ZNF45: variants seen among roughly 807,000 people sequenced by gnomAD.
ZNF45 encodes the protein BRC1744.
In ZNF45, 4 loss-of-function variants were observed where a neutral mutation model predicts 12.0. The observed-to-expected ratio is 0.33, with a 90% CI of 0.16 to 0.76. The LOEUF (loss-of-function observed/expected upper bound fraction) is 0.76, where lower values mean the gene tolerates loss of function less well. Among genes scored for constraint, ZNF45 ranks in the 30% least tolerant of loss-of-function variants. The pLI, the probability that ZNF45 is intolerant of heterozygous loss-of-function variation, is 0.60. For missense variants in ZNF45, 700 were observed against 813.0 expected (o/e 0.86, Z 1.69); for synonymous variants, 272 against 279.6 (o/e 0.97, Z 0.27).
At chr19:43,933,367 T>C (rs541544144) in intron 2 of ZNF45, among the ~76,000 whole-genome samples, 142 of 152,096 alleles carry the variant, frequency 9.3e-4, no homozygotes, top group African/African-American at 3.2e-3. Flanking sequence ...GGCAGGAGAA[T>C]TGCTTGAACC....
intron 3 of ZNF45, among the ~76,000 whole-genome samples, chr19:43,928,510 G>A (rs1324504789): frequency 2.0e-5 from 3 of 152,190 alleles, no homozygotes; most frequent in African/African-American, 7.2e-5. Context: ...GTGTACTTCT[G>A]CAGTTACAGA....
chr19:43,913,285 A>G lies in ZNF45; in HGVS notation c.*102T>C. ...GGCTTCTCTGCTGTGTGGTCTCCCAATCACTTGGCTGAACTACTGACTCTA... is the reference window on the plus strand; with the variant it reads ...GGCTTCTCTGCTGTGTGGTCTCCCAGTCACTTGGCTGAACTACTGACTCTA... On this transcript the variant is annotated 3_prime_UTR_variant, in exon 10 of 10. Transcript: ENST00000269973. 1 of 1,391,490 alleles carries G rather than the reference A, an allele frequency of 7.2e-7. No individual in the cohort carries two copies. The highest frequency in any genetic ancestry group is 1.4e-5 in the African/African-American group (1 of 69,528). 86.2% of individuals were successfully genotyped at this position (1,391,490 alleles called of 1,614,324 possible).
chr19:43,914,951 T>A lies in ZNF45; in HGVS notation c.485A>T (p.Lys162Ile). Residue 162 changes from lysine to isoleucine, a missense_variant, in exon 10 of 10, where the codon AAA becomes ATA. Physicochemically the swap from Lys to Ile is moderately radical, Grantham distance 102. Coordinates refer to ENST00000269973, the MANE Select transcript of ZNF45 (RefSeq NM_003425.4). ...CACACAATGTTCTCCTTTGTAGGGT[T>A]TTTCACCAGTGTGGACTCTGTGAAC... ...LQVHRVHTGE[K>I]PYKGEHCVKS... 6.2e-7 allele frequency: 1 copy of A among 1,610,814 alleles called. No individual in the cohort carries two copies. The highest frequency in any genetic ancestry group is 8.5e-7 in the Non-Finnish European group (1 of 1,177,330).
chr19:43,928,576 G>A (rs983742075), intron 3 of ZNF45, among the ~76,000 whole-genome samples: 1 of 152,200 alleles, frequency 6.6e-6, no homozygotes, highest in African/African-American at 2.4e-5. Context: ...TGATGCTAAT[G>A]CTGCTGGTCC....
In ZNF45 at chr19:43,925,791, T is replaced by A. The variant is rs185598596; in HGVS notation, c.-399-333A>T. 2.6e-5 allele frequency among the ~76,000 whole-genome samples: 4 copies of A among 152,210 alleles called. No homozygotes were observed. The East Asian group carries it at 7.7e-4, about 29-fold the overall frequency. On this transcript the variant is annotated intron_variant, in intron 3 of 9. Coordinates refer to ENST00000269973, the MANE Select transcript of ZNF45 (RefSeq NM_003425.4). Reference sequence around the variant, plus strand: ...ACCCGCCACCATTCCTGGCTAATTTTTTTTGTTTCTTTTGTTTTTTTAGTA... The same window carrying A: ...ACCCGCCACCATTCCTGGCTAATTTATTTTGTTTCTTTTGTTTTTTTAGTA...
intron 9 of ZNF45, among the ~76,000 whole-genome samples, chr19:43,917,429 G>A (rs1195761282): frequency 6.6e-6 from 1 of 152,138 alleles, no homozygotes; most frequent in Non-Finnish European, 1.5e-5. Flanking sequence ...TTTCCTTTAA[G>A]TTGAAGCCTA....
chr19:43,921,991 CATAAA>C (rs1973223715), intron 7 of ZNF45, among the ~76,000 whole-genome samples, 175 bp downstream of exon 7: 1 of 152,088 alleles, frequency 6.6e-6, no homozygotes, highest in South Asian at 2.1e-4. Flanking sequence ...ATTATAAAGT[CATAAA>C]ATAAAGCAAC....
chr19:43,921,129 C>T (rs1484511612), intron 7 of ZNF45, among the ~76,000 whole-genome samples: 2 of 152,172 alleles, frequency 1.3e-5, no homozygotes, highest in African/African-American at 2.4e-5. Context: ...TTTTCTTTGC[C>T]TCTCTCTCTT....
intron 6 of ZNF45, among the ~76,000 whole-genome samples, chr19:43,923,427 T>G (rs1473325673): frequency 6.6e-6 from 1 of 152,164 alleles, no homozygotes; most frequent in Non-Finnish European, 1.5e-5. Flanking sequence ...TTATAAGTTA[T>G]TGTTGTTAGT....
Position 43,914,106 on chromosome 19 carries a change from A to T in ZNF45, c.1330T>A (p.Tyr444Asn). The change falls in exon 10 of 10, where the codon TAT becomes AAT. Residue 444 changes from tyrosine (Y) to asparagine (N), a missense_variant. Transcript: ENST00000269973. ...CCCTTGCCACACTCCTCACATTTAT[A>T]GGGTTTTTCCCCTGTATGGACTCTA... ...HFRVHTGEKPYKCEECGKGFS... is the reference protein window; with the variant it reads ...HFRVHTGEKPNKCEECGKGFS... 1 of 1,614,124 alleles carries T rather than the reference A, an allele frequency of 6.2e-7. No individual in the cohort carries two copies. Among genetic ancestry groups the T allele is most frequent in the Non-Finnish European group, 8.5e-7 (1 of 1,180,014 alleles).
intron 9 of ZNF45, among the ~76,000 whole-genome samples, chr19:43,917,484 ATT>A (rs1401770784): frequency 2.5e-5 from 3 of 120,766 alleles, no homozygotes; most frequent in African/African-American, 7.7e-5. Context: ...TTTCACTTTT[ATT>A]TTTATTTATT....
At position 43,914,156 on chromosome 19, in the gene ZNF45, C is replaced by T. The variant is rs754830379; in HGVS notation, c.1280G>A (p.Arg427His). Residue 427 changes from arginine (R) to histidine (H), a missense_variant, in exon 10 of 10, where the codon CGT (arginine) becomes CAT (histidine). Arg to His is a conservative substitution (Grantham distance 29). Transcript: ENST00000269973. ...AAAATGAATGTTAAAATCTGAGCTA[C>T]GACTGAAGCCCTTACCACATGCATC... is the stretch of plus-strand genomic sequence containing the variant. ...QCDACGKGFS[R>H]SSDFNIHFRV... 17 of 1,607,702 alleles carry T rather than the reference C, an allele frequency of 1.1e-5. No homozygotes were observed. Among genetic ancestry groups the T allele is most frequent in the East Asian group, 4.5e-5 (2 of 44,486 alleles).
At chr19:43,934,289 T>G (rs1339794626) in intron 2 of ZNF45, 137 bp downstream of exon 2, 1 of 152,246 alleles carries the variant, frequency 6.6e-6, no homozygotes, top group Non-Finnish European at 1.5e-5. Context: ...TTCAGTGTGT[T>G]AGTTTTTATA....
At position 43,914,714 on chromosome 19, in the gene ZNF45, ACT is replaced by A. The variant is rs1178838541; in HGVS notation, c.720_721del (p.Arg240SerfsTer11). On this transcript the variant is annotated frameshift_variant, in exon 10 of 10. Coordinates refer to ENST00000269973, the MANE Select transcript of ZNF45 (RefSeq NM_003425.4). LOFTEE classifies it low-confidence loss of function (END_TRUNC). ...TTTGTATGGATTCTCTCCAGTGGGA[ACT>A]CTCTGATGATGGGGAAGATGTGACC... 1.2e-6 allele frequency: 2 copies of A among 1,613,978 alleles called. No individual in the cohort carries two copies. The highest frequency in any genetic ancestry group is 1.7e-5 in the Admixed American group (1 of 59,992).
At chr19:43,928,679 T>C (rs1234140599) in intron 3 of ZNF45, among the ~76,000 whole-genome samples, 3 of 152,248 alleles carry the variant, frequency 2.0e-5, no homozygotes, top group Non-Finnish European at 4.4e-5. Context: ...ATTTTTCTAC[T>C]AACCCCAATA....
Position 43,913,659 on chromosome 19 carries a change from A to G in ZNF45, c.1777T>C (p.Phe593Leu). ...PYRCDVCGKR[F>L]RQRSYLQAHQ... ...GCTTGAAGGTAGGATCTCTGTCTGA[A>G]GCGCTTACCACACACATCACATCGG... is the stretch of plus-strand genomic sequence containing the variant. Residue 593 changes from phenylalanine (F) to leucine (L), a missense_variant, in exon 10 of 10, where the codon TTC becomes CTC. Phe to Leu is a conservative substitution (Grantham distance 22). Transcript: ENST00000269973. 6.2e-7 allele frequency: 1 copy of G among 1,613,880 alleles called. No homozygotes were observed. Among genetic ancestry groups the G allele is most frequent in the South Asian group, 1.1e-5 (1 of 91,052 alleles).
Position 43,913,457 on chromosome 19 carries a change from C to T in ZNF45, c.1979G>A (p.Arg660Gln), listed in dbSNP as rs747649184. 11 of 1,606,176 alleles carry T rather than the reference C, an allele frequency of 6.8e-6. No homozygotes were observed. Among genetic ancestry groups the T allele is most frequent in the African/African-American group, 1.3e-5 (1 of 74,756 alleles). The change falls in exon 10 of 10, where the codon CGA (arginine) becomes CAA (glutamine). Residue 660 changes from arginine to glutamine, a missense_variant. By Grantham distance (43) the Arg-to-Gln change is conservative (BLOSUM62 1). Coordinates refer to ENST00000269973, the MANE Select transcript of ZNF45 (RefSeq NM_003425.4). ...GTCACCCTCATCATCAGCATGGACT[C>T]GCTGATGAATGATAAGACTTGAGCT... ...SWSSSLIIHQRVHADDEGDKD... is the reference protein window; with the variant it reads ...SWSSSLIIHQQVHADDEGDKD...
At position 43,914,248 on chromosome 19, in the gene ZNF45, GCC is replaced by G. The variant is rs1379924154; in HGVS notation, c.1186_1187del (p.Gly396LeufsTer23). 2 of 1,613,664 alleles carry G rather than the reference GCC, an allele frequency of 1.2e-6. No homozygotes were observed. Among genetic ancestry groups the G allele is most frequent in the South Asian group, 2.2e-5 (2 of 91,034 alleles). On this transcript the variant is annotated frameshift_variant, in exon 10 of 10. Transcript: ENST00000269973. LOFTEE classifies it low-confidence loss of function (END_TRUNC). The part of the protein sequence containing the change: ...KPYKCEECGK[G>X]FCRASNLLDH... ...CCAGCAGATTTGAGGCCCGGCAGAA[GCC>G]TTTCCCACACTCCTCACATTTGTAT... is the stretch of plus-strand genomic sequence containing the variant.
intron 2 of ZNF45, among the ~76,000 whole-genome samples, chr19:43,933,146 A>G (rs1381453668): frequency 6.6e-6 from 1 of 152,196 alleles, no homozygotes; most frequent in Non-Finnish European, 1.5e-5. Context: ...GCAAATGAAT[A>G]TAATTGCCCC....
Sources: gnomAD v4.1 joint callset for allele counts (sites outside exome capture counted in the v4.1 genomes callset) on GRCh38, gnomAD v4.1.1 for gene constraint, MANE v1.5 for transcripts, NCBI Gene and HGNC (gene_info 2026-07-23, HGNC 2026-07-21) for gene names.